TENM2: variants seen among roughly 807,000 people sequenced by gnomAD.
TENM2 encodes the protein teneurin-2.
TENM2 carries 52 observed loss-of-function variants against 245.2 expected under a neutral mutation model. The observed-to-expected ratio is 0.21, with a 90% confidence interval of 0.17 to 0.27. The LOEUF is 0.27. TENM2 is among the 10% of genes least tolerant of loss of function. The pLI is 1.00. For missense variants in TENM2, 3,046 were observed against 3,666.8 expected (o/e 0.83, Z 4.37); for synonymous variants, 1,363 against 1,438.9 (o/e 0.95, Z 1.19).
chr5:167,424,434 A>C (rs1014671088), intron 2 of TENM2, among the ~76,000 whole-genome samples: 1 of 152,154 alleles, frequency 6.6e-6, no homozygotes, highest in African/African-American at 2.4e-5. Flanking sequence ...ACCTCAAGAC[A>C]CTCTGGAAGA....
At chr5:167,479,585 T>TA (rs947198752) in intron 2 of TENM2, among the ~76,000 whole-genome samples, 1 of 152,134 alleles carries the variant, frequency 6.6e-6, no homozygotes, top group South Asian at 2.1e-4. Flanking sequence ...AAATCATCTT[T>TA]AAAAAAAGCA....
chr5:168,242,758 G>T (rs1766212939), intron 25 of TENM2, among the ~76,000 whole-genome samples: 1 of 152,100 alleles, frequency 6.6e-6, no homozygotes, highest in Non-Finnish European at 1.5e-5. Context: ...TTCGAGACCA[G>T]CCTGGCCAAC....
At chr5:167,136,220 G>A in the TENM2 span, among the ~76,000 whole-genome samples, 11 of 152,180 alleles carry the variant, frequency 7.2e-5, no homozygotes, top group Non-Finnish European at 1.5e-5. Flanking sequence ...TTGTCTTGTG[G>A]TTCTATTCTC....
chr5:167,524,509 ATGTAATGTG>A (rs1399985486), intron 2 of TENM2, among the ~76,000 whole-genome samples: 2 of 152,112 alleles, frequency 1.3e-5, no homozygotes, highest in Non-Finnish European at 2.9e-5. Context: ...GTTTCTCAAA[ATGTAATGTG>A]TGTACCATTC....
chr5:167,566,183 CT>C (rs1180529640), intron 2 of TENM2, among the ~76,000 whole-genome samples: 163 of 142,314 alleles, frequency 1.1e-3, no homozygotes, highest in Middle Eastern at 3.7e-3. Context: ...AGAGAGTTCT[CT>C]TTTTTTTTTT....
At chr5:167,781,157 A>C (rs1485093177) in intron 2 of TENM2, among the ~76,000 whole-genome samples, 1 of 152,078 alleles carries the variant, frequency 6.6e-6, no homozygotes, top group Non-Finnish European at 1.5e-5. Context: ...CAAAAAATGC[A>C]CATGTTAGCT....
chr5:167,724,526 G>A (rs1406081872), intron 2 of TENM2, among the ~76,000 whole-genome samples: 1 of 152,140 alleles, frequency 6.6e-6, no homozygotes, highest in Non-Finnish European at 1.5e-5. Flanking sequence ...TTGGGTGGAG[G>A]GAAGGAGGGA....
At chr5:167,342,106 T>TA (rs1370895335) in intron 1 of TENM2, among the ~76,000 whole-genome samples, 1 of 152,202 alleles carries the variant, frequency 6.6e-6, no homozygotes, top group African/African-American at 2.4e-5. Context: ...AATAAATCAA[T>TA]AGTAATACAT....
intron 2 of TENM2, among the ~76,000 whole-genome samples, chr5:167,860,013 G>A (rs1583209130): frequency 9.4e-6 from 1 of 106,814 alleles, no homozygotes; most frequent in Non-Finnish European, 2.0e-5. Context: ...AGGTGGGGGG[G>A]GTCGGCCCCC....
At chr5:167,356,146 C>T (rs1401420203) in intron 1 of TENM2, among the ~76,000 whole-genome samples, 1 of 118,618 alleles carries the variant, frequency 8.4e-6, no homozygotes, top group Non-Finnish European at 1.6e-5. Context: ...GGAGATGGGG[C>T]CACTGCACTC....
At chr5:167,179,766 T>G in the TENM2 span, among the ~76,000 whole-genome samples, 1 of 152,134 alleles carries the variant, frequency 6.6e-6, no homozygotes, top group Non-Finnish European at 1.5e-5. Context: ...TGTTTTATCA[T>G]TGAAAGTTTC....
the TENM2 span, among the ~76,000 whole-genome samples, chr5:167,107,391 A>G: frequency 6.6e-6 from 1 of 152,210 alleles, no homozygotes; most frequent in Non-Finnish European, 1.5e-5. Flanking sequence ...GAATGTAAAG[A>G]ATGTGACTAT....
intron 1 of TENM2, among the ~76,000 whole-genome samples, chr5:167,331,746 G>T (rs1265088643): frequency 1.3e-5 from 2 of 152,200 alleles, no homozygotes; most frequent in Non-Finnish European, 2.9e-5. Context: ...GCACCGTTGA[G>T]TCAAGCTGCA....
At chr5:167,118,941 T>C in the TENM2 span, among the ~76,000 whole-genome samples, 1 of 152,214 alleles carries the variant, frequency 6.6e-6, no homozygotes, top group Non-Finnish European at 1.5e-5. Flanking sequence ...AAGACTTGGC[T>C]AGTTCTAATA....
chr5:167,595,594 C>T (rs887291050), intron 2 of TENM2, among the ~76,000 whole-genome samples: 8 of 152,194 alleles, frequency 5.3e-5, no homozygotes, highest in African/African-American at 9.7e-5. Flanking sequence ...TTGCTGTTCT[C>T]ATTGAGGAGA....
chr5:167,717,259 T>C (rs1759335333), intron 2 of TENM2, among the ~76,000 whole-genome samples: 1 of 152,140 alleles, frequency 6.6e-6, no homozygotes, highest in Non-Finnish European at 1.5e-5. Flanking sequence ...CCCGGCCAAC[T>C]TTGGTCCTTT....
chr5:167,299,056 T>C (rs1266923020), intron 1 of TENM2, among the ~76,000 whole-genome samples: 3 of 152,196 alleles, frequency 2.0e-5, no homozygotes, highest in African/African-American at 7.2e-5. Flanking sequence ...GCCTGACTTC[T>C]GAGAAGGGAA....
intron 2 of TENM2, among the ~76,000 whole-genome samples, chr5:167,490,061 GA>G (rs1242006650): frequency 6.6e-6 from 1 of 152,090 alleles, no homozygotes; most frequent in Non-Finnish European, 1.5e-5. Flanking sequence ...TTTTCTGCAA[GA>G]GGTAAATTTG....
At chr5:167,277,291 C>T in the TENM2 span, among the ~76,000 whole-genome samples, 1 of 152,070 alleles carries the variant, frequency 6.6e-6, no homozygotes, top group Admixed American at 6.6e-5. Context: ...CTGTATCCTG[C>T]AAATACTGAT....
Sources: gnomAD v4.1 joint callset for allele counts (sites outside exome capture counted in the v4.1 genomes callset) on GRCh38, gnomAD v4.1.1 for gene constraint, MANE v1.5 for transcripts, NCBI Gene and HGNC (gene_info 2026-07-23, HGNC 2026-07-21) for gene names.